Variants in CCSER1 observed in about 807,000 individuals in gnomAD.
CCSER1 encodes coiled-coil serine rich protein 1, also known as serine-rich coiled-coil domain-containing protein 1.
In CCSER1, 41 loss-of-function variants were observed where a neutral mutation model predicts 82.0. That is an observed-to-expected ratio of 0.50 (90% CI 0.39 to 0.65). The LOEUF (loss-of-function observed/expected upper bound fraction) is 0.65, where lower values mean the gene tolerates loss of function less well. Ranked by LOEUF, CCSER1 falls within the 30% of genes least tolerant of loss-of-function variation. The probability of loss-of-function intolerance (pLI) is 0.00; values close to 1 mark genes in which losing one functional copy is unlikely to be tolerated. For synonymous variants in CCSER1, 414 were observed against 383.9 expected (o/e 1.08, Z -0.92); for missense variants, 1,119 against 1,064.2 (o/e 1.05, Z -0.72).
intron 1 of CCSER1, among the ~76,000 whole-genome samples, chr4:90,229,724 C>G (rs1037512940): frequency 6.6e-6 from 1 of 152,084 alleles, no homozygotes; most frequent in South Asian, 2.1e-4. Context: ...TTCAGGAAAC[C>G]CATCTCACAT....
At chr4:91,102,866 G>A (rs1402634267) in intron 10 of CCSER1, among the ~76,000 whole-genome samples, 1 of 152,102 alleles carries the variant, frequency 6.6e-6, no homozygotes, top group African/African-American at 2.4e-5. Flanking sequence ...GAACTCTTAT[G>A]ATTCCCTTCT....
intron 1 of CCSER1, among the ~76,000 whole-genome samples, chr4:90,134,466 C>T (rs1189099410): frequency 6.6e-6 from 1 of 152,196 alleles, no homozygotes; most frequent in East Asian, 1.9e-4. Flanking sequence ...TGTGCACTCT[C>T]AGTGCCATTC....
intron 10 of CCSER1, among the ~76,000 whole-genome samples, chr4:91,285,124 C>G (rs977018387): frequency 3.3e-5 from 5 of 151,840 alleles, no homozygotes; most frequent in African/African-American, 9.7e-5. Flanking sequence ...GCTCTTATTT[C>G]TTTTCATAGG....
rs143287363 is a variant in CCSER1, at chr4:91,531,968, C to T, written c.2218-66604C>T. On this transcript the variant is annotated intron_variant, in intron 10 of 10. Transcript: ENST00000509176. Reference sequence around the variant, plus strand: ...GCTCAAGGGAAATTTCTACCTCGGTCTCCCAATGTACTGGAATTACAGGTG... The same window carrying T: ...GCTCAAGGGAAATTTCTACCTCGGTTTCCCAATGTACTGGAATTACAGGTG... Among the ~76,000 whole-genome samples, 25 of 152,280 alleles carry T rather than the reference C, an allele frequency of 1.6e-4. No homozygotes were observed. In the East Asian group the frequency reaches 3.7e-3, roughly 22 times the overall value.
intron 5 of CCSER1, among the ~76,000 whole-genome samples, chr4:90,486,178 C>T (rs1421055254): frequency 6.6e-6 from 1 of 152,170 alleles, no homozygotes; most frequent in Non-Finnish European, 1.5e-5. Flanking sequence ...CACTCCCACC[C>T]CTCAATCTAG....
chr4:91,573,992 T>A (rs1225866262), intron 10 of CCSER1, among the ~76,000 whole-genome samples: 1 of 152,026 alleles, frequency 6.6e-6, no homozygotes, highest in Non-Finnish European at 1.5e-5. Flanking sequence ...CCATAAAACA[T>A]TGATGAGAGA....
At chr4:91,554,221 T>C (rs1762301413) in intron 10 of CCSER1, among the ~76,000 whole-genome samples, 1 of 151,512 alleles carries the variant, frequency 6.6e-6, no homozygotes, top group African/African-American at 2.4e-5. Context: ...ATTTCTAATT[T>C]CATATCATTG....
intron 9 of CCSER1, among the ~76,000 whole-genome samples, chr4:90,940,079 A>G (rs1006684989): frequency 3.9e-5 from 6 of 152,170 alleles, no homozygotes; most frequent in Middle Eastern, 3.2e-3. Flanking sequence ...CAAGAATTCA[A>G]TTGAAGATCT....
chr4:91,064,357 A>G (rs1369403929), intron 9 of CCSER1, among the ~76,000 whole-genome samples: 1 of 152,230 alleles, frequency 6.6e-6, no homozygotes, highest in Admixed American at 6.5e-5. Flanking sequence ...GGCTTATTAC[A>G]GTGAAAGGCT....
chr4:91,093,211 G>C (rs115894091), intron 10 of CCSER1, among the ~76,000 whole-genome samples: 1 of 152,126 alleles, frequency 6.6e-6, no homozygotes, highest in African/African-American at 2.4e-5. Context: ...CATATCCTGC[G>C]CATCTTTCTC....
At chr4:90,188,389 A>G (rs1735010498) in intron 1 of CCSER1, among the ~76,000 whole-genome samples, 1 of 151,952 alleles carries the variant, frequency 6.6e-6, no homozygotes, top group Non-Finnish European at 1.5e-5. Context: ...AGCTTCTATC[A>G]TTGTAGTCTT....
chr4:90,379,343 C>T (rs376580372), intron 3 of CCSER1, among the ~76,000 whole-genome samples: 14 of 152,182 alleles, frequency 9.2e-5, no homozygotes, highest in East Asian at 3.8e-4. Flanking sequence ...GGCCACATGG[C>T]TCTAACATAA....
chr4:90,413,812 A>C (rs568661153), intron 4 of CCSER1, among the ~76,000 whole-genome samples: 1 of 149,486 alleles, frequency 6.7e-6, no homozygotes, highest in Non-Finnish European at 1.5e-5. Context: ...AGCCGCGCGT[A>C]GTGGCGGGCG....
intron 10 of CCSER1, among the ~76,000 whole-genome samples, chr4:91,591,166 C>T (rs1764251324): frequency 6.6e-6 from 1 of 151,960 alleles, no homozygotes; most frequent in South Asian, 2.1e-4. Context: ...ACATGATGGT[C>T]CCAAAAACAA....
rs1289961672 is a variant in CCSER1, at chr4:90,242,178, AT to A, written c.-41-66065del. On this transcript the variant is annotated intron_variant, in intron 1 of 10. Coordinates refer to ENST00000509176, the MANE Select transcript of CCSER1 (RefSeq NM_001145065.2). ...AAAAATTAGCTGGGCATGGTGGTGC[AT>A]GCCTGTAATCCCAGTTACTTGGGAG... 2.0e-5 allele frequency among the ~76,000 whole-genome samples: 3 copies of A among 152,304 alleles called. No individual in the cohort carries two copies. In the East Asian group the frequency reaches 5.8e-4, roughly 29 times the overall value.
chr4:90,202,471 G>A (rs1020591538), intron 1 of CCSER1, among the ~76,000 whole-genome samples: 1 of 152,096 alleles, frequency 6.6e-6, no homozygotes, highest in Admixed American at 6.5e-5. Flanking sequence ...CCAGAGTGCT[G>A]GAATTATAGG....
At chr4:90,695,251 A>C (rs955183860) in intron 6 of CCSER1, among the ~76,000 whole-genome samples, 2 of 151,788 alleles carry the variant, frequency 1.3e-5, no homozygotes, top group Non-Finnish European at 2.9e-5. Flanking sequence ...TAAATGAAAG[A>C]TCTGGCATAA....
At chr4:90,785,291 G>C (rs1341373767) in intron 7 of CCSER1, among the ~76,000 whole-genome samples, 1 of 151,972 alleles carries the variant, frequency 6.6e-6, no homozygotes, top group Non-Finnish European at 1.5e-5. Context: ...ACCCTCCTTC[G>C]CCTCCCAAAT....
At chr4:90,180,231 G>T (rs1293748061) in intron 1 of CCSER1, among the ~76,000 whole-genome samples, 1 of 151,796 alleles carries the variant, frequency 6.6e-6, no homozygotes. Flanking sequence ...ACTGCAGACA[G>T]TTTTTTAGAG....
Sources: allele counts gnomAD v4.1 joint callset (sites outside exome capture counted in the v4.1 genomes callset), GRCh38; gene constraint gnomAD v4.1.1; transcripts MANE v1.5; gene names NCBI Gene and HGNC (gene_info 2026-07-23, HGNC 2026-07-21).